The following HS3ST4 variants were observed in gnomAD, a reference collection of about 807,000 sequenced individuals.
HS3ST4 encodes the protein heparan sulfate-glucosamine 3-sulfotransferase 4.
In HS3ST4, 17 loss-of-function variants were observed where a neutral mutation model predicts 29.2. That is an observed-to-expected ratio of 0.58 (90% CI 0.40 to 0.87). The LOEUF (loss-of-function observed/expected upper bound fraction) is 0.87, where lower values mean the gene tolerates loss of function less well. HS3ST4 is among the 40% of genes least tolerant of loss of function. The pLI is 0.00. For missense variants in HS3ST4, 627 were observed against 634.5 expected (o/e 0.99, Z 0.13); for synonymous variants, 314 against 285.7 (o/e 1.10, Z -1.00).
At chr16:26,114,873 A>G (rs750174748) in intron 1 of HS3ST4, among the ~76,000 whole-genome samples, 10 of 152,160 alleles carry the variant, frequency 6.6e-5, no homozygotes, top group Non-Finnish European at 1.3e-4. Context: ...CAACCTCTTT[A>G]TGGCTATATT....
intron 1 of HS3ST4, among the ~76,000 whole-genome samples, chr16:25,723,478 G>C (rs1023743319): frequency 6.6e-6 from 1 of 152,072 alleles, no homozygotes; most frequent in East Asian, 1.9e-4. Context: ...TACTGTTCAG[G>C]GTTCTAGGAA....
chr16:26,099,047 C>T (rs943829098), intron 1 of HS3ST4, among the ~76,000 whole-genome samples: 4 of 152,212 alleles, frequency 2.6e-5, no homozygotes, highest in Non-Finnish European at 5.9e-5. Context: ...CCCAGACTCA[C>T]ATCCACCCTA....
rs558130790 is a variant in HS3ST4 at position 25,765,597 on chromosome 16, C to T, written c.734+72446C>T. Among the ~76,000 whole-genome samples the T allele has an allele frequency of 3.0e-3, 460 of 152,230 alleles. 8 individuals carry two copies. The highest frequency in any genetic ancestry group is 0.01 in the Middle Eastern group (3 of 292). On this transcript the variant is annotated intron_variant, in intron 1 of 1. Transcript: ENST00000331351. ...GCACATCCTCAGCTAAGGGCTGTGA[C>T]AATCTCGGAGCCTCTTTTATGCCCT...
chr16:25,975,900 C>A (rs1043563595), intron 1 of HS3ST4, among the ~76,000 whole-genome samples: 2 of 152,224 alleles, frequency 1.3e-5, no homozygotes, highest in South Asian at 2.1e-4. Context: ...AATTGTTGGA[C>A]CCCCCTGTTC....
At chr16:25,965,822 A>G (rs1968837092) in intron 1 of HS3ST4, among the ~76,000 whole-genome samples, 2 of 152,194 alleles carry the variant, frequency 1.3e-5, no homozygotes, top group African/African-American at 2.4e-5. Context: ...AACTCTTCAC[A>G]AGGACCTCCT....
chr16:25,787,088 T>C (rs1036728452), intron 1 of HS3ST4, among the ~76,000 whole-genome samples: 35 of 152,224 alleles, frequency 2.3e-4, no homozygotes, highest in South Asian at 6.2e-4. Flanking sequence ...AGTGTATCTA[T>C]TGGAAAAGGG....
chr16:25,694,201 C>T (rs1176940501), intron 1 of HS3ST4, among the ~76,000 whole-genome samples: 1 of 152,208 alleles, frequency 6.6e-6, no homozygotes, highest in Non-Finnish European at 1.5e-5. Flanking sequence ...ATGTTATCAT[C>T]TTAGCAGAGC....
intron 1 of HS3ST4, among the ~76,000 whole-genome samples, chr16:25,756,283 G>T (rs1966758509): frequency 6.6e-6 from 1 of 152,132 alleles, no homozygotes; most frequent in South Asian, 2.1e-4. Context: ...GCAGGGGAGA[G>T]ATACAAATAT....
At chr16:25,696,229 C>T (rs1273691244) in intron 1 of HS3ST4, among the ~76,000 whole-genome samples, 1 of 152,192 alleles carries the variant, frequency 6.6e-6, no homozygotes, top group Non-Finnish European at 1.5e-5. Context: ...ATGCCCTCTT[C>T]CCTCTCCCTT....
chr16:25,884,883 G>A (rs1266094213), intron 1 of HS3ST4, among the ~76,000 whole-genome samples: 1 of 152,150 alleles, frequency 6.6e-6, no homozygotes, highest in Non-Finnish European at 1.5e-5. Context: ...CCGAGGTTAA[G>A]TATTTTGTAG....
chr16:25,757,803 A>G (rs1010807015), intron 1 of HS3ST4, among the ~76,000 whole-genome samples: 3 of 151,962 alleles, frequency 2.0e-5, no homozygotes, highest in Non-Finnish European at 4.4e-5. Flanking sequence ...TAGAGAATCA[A>G]AACTTCTAGA....
In HS3ST4 at chr16:25,920,886, G is replaced by T. The variant is rs149241441; in HGVS notation, c.735-214726G>T. 4.2e-3 allele frequency among the ~76,000 whole-genome samples: 646 copies of T among 152,086 alleles called. 2 individuals are homozygous for T. Among genetic ancestry groups the T allele is most frequent in the African/African-American group, 0.014 (571 of 41,466 alleles). ...GCCTGCCTTGGCCTCCCAAAATGCTGGGATTACAGGTGTGAGCCACCACGC... is the reference window on the plus strand; with the variant it reads ...GCCTGCCTTGGCCTCCCAAAATGCTTGGATTACAGGTGTGAGCCACCACGC... On this transcript the variant is annotated intron_variant, in intron 1 of 1. Transcript: ENST00000331351.
At chr16:25,870,504 G>A (rs1967739506) in intron 1 of HS3ST4, among the ~76,000 whole-genome samples, 1 of 152,110 alleles carries the variant, frequency 6.6e-6, no homozygotes, top group Middle Eastern at 3.2e-3. Flanking sequence ...TAGACAGAAG[G>A]AACAGCAAAT....
Position 25,828,812 on chromosome 16 carries a change from A to G in HS3ST4, c.734+135661A>G, listed in dbSNP as rs1052453733. Among the ~76,000 whole-genome samples the G allele has an allele frequency of 9.2e-5, 14 of 152,328 alleles. No homozygotes were observed. The Middle Eastern group carries it at 0.01, about 111-fold the overall frequency. On this transcript the variant is annotated intron_variant, in intron 1 of 1. Coordinates refer to ENST00000331351, the MANE Select transcript of HS3ST4 (RefSeq NM_006040.3). The stretch of plus-strand genomic sequence containing the variant: ...TTGCTTAGGGTAATGGCCTCTAGCT[A>G]GAGAAGCTTTTTTACTAGTCAGTTT...
intron 1 of HS3ST4, among the ~76,000 whole-genome samples, chr16:26,056,333 T>G (rs1567303155): frequency 6.6e-6 from 1 of 152,174 alleles, no homozygotes; most frequent in African/African-American, 2.4e-5. Flanking sequence ...ATGGCTGTCT[T>G]AAGCAGAATG....
chr16:26,079,413 T>C (rs529694419), intron 1 of HS3ST4, among the ~76,000 whole-genome samples: 25 of 152,230 alleles, frequency 1.6e-4, no homozygotes, highest in Non-Finnish European at 2.5e-4. Context: ...GAGCAAATGC[T>C]GGCAGGACTG....
chr16:26,039,204 A>G (rs981013523), intron 1 of HS3ST4, among the ~76,000 whole-genome samples: 2 of 152,180 alleles, frequency 1.3e-5, no homozygotes, highest in African/African-American at 4.8e-5. Context: ...AAATGTATAT[A>G]AGAAGTACAT....
chr16:25,897,376 C>G lies in HS3ST4; in HGVS notation c.734+204225C>G, dbSNP rs147407731. 3.1e-3 allele frequency among the ~76,000 whole-genome samples: 476 copies of G among 152,158 alleles called. 3 individuals carry two copies. Among genetic ancestry groups the G allele is most frequent in the Non-Finnish European group, 5.2e-3 (352 of 68,004 alleles). On this transcript the variant is annotated intron_variant, in intron 1 of 1. Coordinates refer to ENST00000331351, the MANE Select transcript of HS3ST4 (RefSeq NM_006040.3). ...CTGAGGAGGGAGGATCACTTGAGCT[C>G]AAGAGGTCGAGGCTGCAGTGAGCCA...
chr16:25,897,638 G>A (rs1968081153), intron 1 of HS3ST4, among the ~76,000 whole-genome samples: 1 of 151,966 alleles, frequency 6.6e-6, no homozygotes, highest in African/African-American at 2.4e-5. Flanking sequence ...ATAACACATG[G>A]GGAGTGTGTG....
Sources: gnomAD v4.1 joint callset for allele counts (sites outside exome capture counted in the v4.1 genomes callset) on GRCh38, gnomAD v4.1.1 for gene constraint, MANE v1.5 for transcripts, NCBI Gene and HGNC (gene_info 2026-07-23, HGNC 2026-07-21) for gene names.